INSC: variants seen among roughly 807,000 people sequenced by gnomAD.
INSC encodes protein inscuteable homolog.
Under a neutral mutation model 58.6 loss-of-function variants are expected in INSC, and 67 were observed. That is an observed-to-expected ratio of 1.14 (90% CI 0.94 to 1.40). INSC has a LOEUF of 1.40. Ranked by LOEUF, INSC falls within the 40% of genes most tolerant of loss-of-function variation. INSC has a pLI of 0.00. For missense variants in INSC, 714 were observed against 692.0 expected (o/e 1.03, Z -0.36); for synonymous variants, 262 against 276.1 (o/e 0.95, Z 0.51).
At chr11:15,115,914 G>C (rs1408232153) in intron 1 of INSC, among the ~76,000 whole-genome samples, 1 of 152,208 alleles carries the variant, frequency 6.6e-6, no homozygotes, top group South Asian at 2.1e-4. Context: ...TCAGCCGCTA[G>C]CCTCCTCCCA....
At chr11:15,215,189 T>G (rs1250696534) in intron 7 of INSC, among the ~76,000 whole-genome samples, 1 of 152,232 alleles carries the variant, frequency 6.6e-6, no homozygotes, top group African/African-American at 2.4e-5. Context: ...ATGAGGAAAG[T>G]CTGGCTTCAG....
At chr11:15,261,049 A>G in the INSC span, among the ~76,000 whole-genome samples, 4 of 152,170 alleles carry the variant, frequency 2.6e-5, no homozygotes, top group Non-Finnish European at 4.4e-5. Context: ...GTGTTCTTGC[A>G]TGACTTTGTT....
intron 1 of INSC, among the ~76,000 whole-genome samples, chr11:15,130,017 C>T (rs909795286): frequency 6.6e-6 from 1 of 152,220 alleles, no homozygotes; most frequent in Non-Finnish European, 1.5e-5. Flanking sequence ...GCAGATGTGG[C>T]TGCCTGTGGA....
At chr11:15,167,996 C>T (rs1008403738) in intron 2 of INSC, among the ~76,000 whole-genome samples, 1 of 152,152 alleles carries the variant, frequency 6.6e-6, no homozygotes, top group Non-Finnish European at 1.5e-5. Flanking sequence ...CTCACAGTTT[C>T]CCTTCATCTT....
intron 9 of INSC, among the ~76,000 whole-genome samples, chr11:15,231,512 G>A (rs1219112798): frequency 6.6e-6 from 1 of 152,222 alleles, no homozygotes; most frequent in Non-Finnish European, 1.5e-5. Context: ...GTCATGGGTT[G>A]GACAAGCTTG....
intron 1 of INSC, 100 bp from the exon 2 acceptor site, chr11:15,149,030 C>T: frequency 1.5e-6 from 2 of 1,373,972 alleles, no homozygotes; most frequent in Non-Finnish European, 1.9e-6. Flanking sequence ...AGTCTTACCT[C>T]TTTGTCTGCT....
intron 1 of INSC, among the ~76,000 whole-genome samples, chr11:15,135,073 G>A (rs1313895805): frequency 1.3e-5 from 2 of 152,128 alleles, no homozygotes; most frequent in Admixed American, 6.5e-5. Flanking sequence ...TGAGATTAGA[G>A]ATGAGTCCTG....
At chr11:15,123,021 C>G (rs1847911095) in intron 1 of INSC, among the ~76,000 whole-genome samples, 1 of 152,176 alleles carries the variant, frequency 6.6e-6, no homozygotes, top group Non-Finnish European at 1.5e-5. Flanking sequence ...CCTGGCTCTC[C>G]CTGCCACACT....
chr11:15,158,616 G>A (rs1258668491), intron 2 of INSC, among the ~76,000 whole-genome samples: 4 of 152,142 alleles, frequency 2.6e-5, no homozygotes, highest in Non-Finnish European at 5.9e-5. Flanking sequence ...GGTGATAGAA[G>A]CTGAGACTCT....
the INSC span, among the ~76,000 whole-genome samples, chr11:15,254,568 A>T: frequency 1.3e-5 from 2 of 152,204 alleles, no homozygotes; most frequent in East Asian, 1.9e-4. Context: ...CAGTTGCCTC[A>T]TATGTAAAAT....
chr11:15,137,239 C>A (rs1440574150), intron 1 of INSC, among the ~76,000 whole-genome samples: 1 of 152,146 alleles, frequency 6.6e-6, no homozygotes, highest in East Asian at 1.9e-4. Flanking sequence ...GTTACATTTA[C>A]AGAGAATAGG....
chr11:15,213,259 CAAAAAAACA>C (rs1274523644), intron 7 of INSC, among the ~76,000 whole-genome samples: 2 of 151,710 alleles, frequency 1.3e-5, no homozygotes, highest in Non-Finnish European at 1.5e-5. Flanking sequence ...GACCTTGTCT[CAAAAAAACA>C]AAAACAAAAA....
intron 6 of INSC, among the ~76,000 whole-genome samples, chr11:15,191,598 AT>A (rs1013983639): frequency 5.6e-4 from 85 of 151,968 alleles, no homozygotes; most frequent in African/African-American, 2.0e-3. Context: ...AAAAGTTTTT[AT>A]TTTTTTTCAT....
At chr11:15,145,482 A>G (rs982740277) in intron 1 of INSC, among the ~76,000 whole-genome samples, 2 of 152,116 alleles carry the variant, frequency 1.3e-5, no homozygotes, top group African/African-American at 4.8e-5. Context: ...GATGAGTCTG[A>G]CTTAGGGCTA....
intron 3 of INSC, 97 bp downstream of exon 3, chr11:15,176,183 T>A: frequency 9.7e-7 from 1 of 1,026,316 alleles, no homozygotes; most frequent in Non-Finnish European, 1.4e-6. Flanking sequence ...TCTTTTTTGC[T>A]CCAGAAGCCT....
chr11:15,223,714 G>C (rs1295820988), intron 8 of INSC, among the ~76,000 whole-genome samples: 1 of 152,200 alleles, frequency 6.6e-6, no homozygotes, highest in Admixed American at 6.5e-5. Context: ...ATGGATATAG[G>C]GAGGTGGCCT....
rs187487993 is a variant in INSC, at chr11:15,133,001, G to A, written c.-45-16129G>A. Among the ~76,000 whole-genome samples the A allele has an allele frequency of 4.6e-4, 70 of 152,104 alleles. 1 individual carries two copies. Among genetic ancestry groups the A allele is most frequent in the Non-Finnish European group, 8.5e-4 (58 of 67,972 alleles). On this transcript the variant is annotated intron_variant, in intron 1 of 12. Transcript: ENST00000379556. ...ATATGTTTTGTATTTATCTTGCTGGGGATTCATTGGGATTTCTGAATTTGA... is the reference window on the plus strand; with the variant it reads ...ATATGTTTTGTATTTATCTTGCTGGAGATTCATTGGGATTTCTGAATTTGA...
At chr11:15,113,149 C>CTTTCTT (rs757233948), upstream of INSC, among the ~76,000 whole-genome samples, 626 of 130,824 alleles carry the variant, frequency 4.8e-3, 12 homozygotes, top group Non-Finnish European at 5.8e-3. Context: ...TTCTTTCTGT[C>CTTTCTT]TCTCTCTCTC....
intron 12 of INSC, chr11:15,241,538 A>C (rs1190801274): frequency 1.4e-6 from 1 of 701,902 alleles, no homozygotes; most frequent in South Asian, 1.5e-5. Flanking sequence ...TGTTTATGGA[A>C]TGATTCTGCG....
Sources: allele counts gnomAD v4.1 joint callset (sites outside exome capture counted in the v4.1 genomes callset), GRCh38; gene constraint gnomAD v4.1.1; transcripts MANE v1.5; gene names NCBI Gene and HGNC (gene_info 2026-07-23, HGNC 2026-07-21).